The following TCF7L2 variants were observed in gnomAD, a reference collection of about 807,000 sequenced individuals.
TCF7L2 encodes the protein transcription factor 7 like 2, also known as transcription factor 7-like 2.
In TCF7L2, 23 loss-of-function variants were observed where a neutral mutation model predicts 77.9. The observed-to-expected ratio is 0.30, with a 90% CI of 0.21 to 0.42. TCF7L2 has a LOEUF of 0.42. TCF7L2 is among the 10% of genes least tolerant of loss of function. TCF7L2 has a pLI of 1.00. For synonymous variants in TCF7L2, 413 were observed against 340.2 expected (o/e 1.21, Z -2.36); for missense variants, 654 against 793.1 (o/e 0.82, Z 2.11).
intron 4 of TCF7L2, among the ~76,000 whole-genome samples, chr10:112,971,843 C>T (rs1314635381): frequency 3.9e-5 from 6 of 151,996 alleles, no homozygotes; most frequent in Non-Finnish European, 5.9e-5. Context: ...AAACTTCTGA[C>T]CTCAGGTGAT....
chr10:112,995,177 G>T (rs1397500535), intron 4 of TCF7L2, among the ~76,000 whole-genome samples: 1 of 152,204 alleles, frequency 6.6e-6, no homozygotes, highest in Non-Finnish European at 1.5e-5. Context: ...TGCTCTCTGG[G>T]TAGAGATGGG....
chr10:112,959,105 A>G lies in TCF7L2; in HGVS notation c.382-5451A>G, dbSNP rs528409745. Among the ~76,000 whole-genome samples the G allele has an allele frequency of 1.3e-3, 200 of 152,256 alleles. 1 individual carries two copies. Among genetic ancestry groups the G allele is most frequent in the African/African-American group, 4.4e-3 (182 of 41,552 alleles). On this transcript the variant is annotated intron_variant, in intron 3 of 13. Coordinates refer to ENST00000627217, the MANE Select transcript of TCF7L2 (RefSeq NM_001146274.2). ...AATTATGTTTTGACGTTGAAAGAAA[A>G]TCATCTAGTTTTTCTCAAAAATCAA... is the stretch of plus-strand genomic sequence containing the variant.
chr10:113,091,057 A>G (rs1015760556), intron 5 of TCF7L2, among the ~76,000 whole-genome samples: 2 of 152,016 alleles, frequency 1.3e-5, no homozygotes, highest in Non-Finnish European at 2.9e-5. Context: ...ACCTGTTACC[A>G]TACCCGGCTA....
chr10:113,146,290 T>C (rs182644540), intron 8 of TCF7L2, among the ~76,000 whole-genome samples, 193 bp downstream of exon 8: 5 of 152,354 alleles, frequency 3.3e-5, no homozygotes, highest in Admixed American at 1.3e-4. Flanking sequence ...ATGATGTCTT[T>C]CTGGGTAAAA....
At chr10:112,984,852 G>A (rs988731965) in intron 4 of TCF7L2, among the ~76,000 whole-genome samples, 1 of 152,176 alleles carries the variant, frequency 6.6e-6, no homozygotes, top group Non-Finnish European at 1.5e-5. Context: ...CAATTAATTA[G>A]AAGCCATAAA....
chr10:113,131,127 T>C (rs1016174251), intron 5 of TCF7L2, among the ~76,000 whole-genome samples: 9 of 152,222 alleles, frequency 5.9e-5, no homozygotes, highest in Non-Finnish European at 1.2e-4. Flanking sequence ...GGCAATTCCT[T>C]AATTACTTTT....
At chr10:113,069,472 C>T (rs575495466) in intron 5 of TCF7L2, among the ~76,000 whole-genome samples, 7 of 151,786 alleles carry the variant, frequency 4.6e-5, no homozygotes, top group Admixed American at 1.3e-4. Flanking sequence ...TCAAGTGATC[C>T]GCCCACCTCT....
chr10:113,102,032 G>A (rs1386920398), intron 5 of TCF7L2, among the ~76,000 whole-genome samples: 2 of 140,306 alleles, frequency 1.4e-5, no homozygotes, highest in African/African-American at 2.7e-5. Context: ...CCAGCTACTC[G>A]GGAGGCAGGA....
intron 5 of TCF7L2, chr10:113,132,002 G>A (rs891965644): frequency 1.3e-5 from 2 of 152,340 alleles, no homozygotes; most frequent in South Asian, 4.1e-4. Context: ...TCATTTTCAC[G>A]CGTGTTATTT....
chr10:112,966,184 T>TTATATATATATATATATATATATA (rs141060651), intron 4 of TCF7L2, among the ~76,000 whole-genome samples: 76 of 114,204 alleles, frequency 6.7e-4, no homozygotes, highest in African/African-American at 3.3e-3. Context: ...TAAAATATAT[T>TTATATATATATATATATATATATA]TATATATATA....
intron 4 of TCF7L2, among the ~76,000 whole-genome samples, chr10:113,035,129 G>T (rs1045708896): frequency 6.6e-6 from 1 of 152,100 alleles, no homozygotes; most frequent in African/African-American, 2.4e-5. Flanking sequence ...TAGTTATTTT[G>T]GTGAGATTGT....
intron 5 of TCF7L2, among the ~76,000 whole-genome samples, chr10:113,104,797 G>C (rs919992552): frequency 2.0e-5 from 3 of 152,170 alleles, no homozygotes; most frequent in African/African-American, 7.2e-5. Context: ...GCTGTCTGGG[G>C]TCTTGGGTCC....
chr10:113,120,675 C>T (rs1054982680), intron 5 of TCF7L2, among the ~76,000 whole-genome samples: 1 of 152,074 alleles, frequency 6.6e-6, no homozygotes, highest in Non-Finnish European at 1.5e-5. Flanking sequence ...TACTGAGTTG[C>T]ACCGAGCACA....
chr10:113,032,808 G>A (rs139081446), intron 4 of TCF7L2, among the ~76,000 whole-genome samples: 17 of 152,172 alleles, frequency 1.1e-4, no homozygotes, highest in Admixed American at 7.8e-4. Flanking sequence ...TATTTTGTAG[G>A]GTTATTGTGG....
At chr10:113,136,090 T>C (rs777849435) in intron 5 of TCF7L2, among the ~76,000 whole-genome samples, 1 of 152,184 alleles carries the variant, frequency 6.6e-6, no homozygotes, top group Non-Finnish European at 1.5e-5. Flanking sequence ...CACCACTCTC[T>C]CAAGGCATGT....
At position 113,048,019 on chromosome 10, in the gene TCF7L2, G is replaced by A. The variant is rs115041658; in HGVS notation, c.552+7893G>A. On this transcript the variant is annotated intron_variant, in intron 5 of 13. Transcript: ENST00000627217. ...AAGCACTGGGATATGCGAAGTGAAT[G>A]AGTTTCTTTAGGGCAGGATCTTGAC... 4.9e-3 allele frequency among the ~76,000 whole-genome samples: 746 copies of A among 152,310 alleles called. 5 individuals are homozygous for A. Among genetic ancestry groups the A allele is most frequent in the African/African-American group, 0.017 (697 of 41,556 alleles).
At chr10:112,992,374 G>A (rs1265956129) in intron 4 of TCF7L2, among the ~76,000 whole-genome samples, 1 of 152,166 alleles carries the variant, frequency 6.6e-6, no homozygotes, top group Non-Finnish European at 1.5e-5. Flanking sequence ...CATGCCCTCC[G>A]GGAGACACCC....
chr10:113,012,215 C>G (rs955625683), intron 4 of TCF7L2, among the ~76,000 whole-genome samples: 1 of 152,060 alleles, frequency 6.6e-6, no homozygotes, highest in African/African-American at 2.4e-5. Flanking sequence ...AGCCATGCAC[C>G]AGTAGTTATA....
At chr10:113,057,830 T>G (rs1844522464) in intron 5 of TCF7L2, among the ~76,000 whole-genome samples, 1 of 152,186 alleles carries the variant, frequency 6.6e-6, no homozygotes, top group Admixed American at 6.5e-5. Context: ...TTATTTTCTG[T>G]GCTCTCTGTC....
Sources: allele counts gnomAD v4.1 joint callset (sites outside exome capture counted in the v4.1 genomes callset), GRCh38; gene constraint gnomAD v4.1.1; transcripts MANE v1.5; gene names NCBI Gene and HGNC (gene_info 2026-07-23, HGNC 2026-07-21).